The following NXPH1 variants were observed in gnomAD, a reference collection of about 807,000 sequenced individuals.
The protein encoded by NXPH1 is neurexophilin-1.
In NXPH1, 5 loss-of-function variants were observed where a neutral mutation model predicts 23.7. The observed-to-expected ratio is 0.21, with a 90% CI of 0.11 to 0.44. The LOEUF (loss-of-function observed/expected upper bound fraction) is 0.44. Among genes scored for constraint, NXPH1 ranks in the 20% least tolerant of loss-of-function variants. NXPH1 has a pLI of 0.99. For synonymous variants in NXPH1, 144 were observed against 122.2 expected (o/e 1.18, Z -1.18); for missense variants, 324 against 321.6 (o/e 1.01, Z -0.06).
intron 2 of NXPH1, among the ~76,000 whole-genome samples, chr7:8,441,617 T>C (rs1816300581): frequency 6.6e-6 from 1 of 152,242 alleles, no homozygotes; most frequent in Non-Finnish European, 1.5e-5. Flanking sequence ...GAGTTGGCTC[T>C]GTCAGCTCGA....
At chr7:8,520,072 T>G (rs941873412) in intron 2 of NXPH1, among the ~76,000 whole-genome samples, 30 of 152,136 alleles carry the variant, frequency 2.0e-4, no homozygotes, top group African/African-American at 7.0e-4. Flanking sequence ...ACAAAAAGAA[T>G]GGGGTTATAA....
intron 2 of NXPH1, among the ~76,000 whole-genome samples, chr7:8,443,801 C>T (rs150100491): frequency 4.6e-5 from 7 of 152,302 alleles, no homozygotes; most frequent in Admixed American, 1.3e-4. Flanking sequence ...CATCATTAGA[C>T]CCGGGATGGA....
chr7:8,681,553 G>A (rs1821048882), intron 2 of NXPH1, among the ~76,000 whole-genome samples: 2 of 152,210 alleles, frequency 1.3e-5, no homozygotes, highest in Middle Eastern at 3.4e-3. Context: ...TTGTCTCCTT[G>A]ACTAGACAGT....
At chr7:8,561,382 A>ACACACACACACACC (rs1554256953) in intron 2 of NXPH1, among the ~76,000 whole-genome samples, 1 of 144,574 alleles carries the variant, frequency 6.9e-6, no homozygotes, top group Non-Finnish European at 1.5e-5. Flanking sequence ...ACACACACAC[A>ACACACACACACACC]CCTCTCTCTC....
intron 2 of NXPH1, among the ~76,000 whole-genome samples, chr7:8,491,465 G>A (rs545991629): frequency 2.0e-5 from 3 of 152,106 alleles, no homozygotes; most frequent in East Asian, 3.9e-4. Context: ...ATATGCTCCC[G>A]GAAGTTAGAA....
chr7:8,739,582 G>C (rs1780326324), intron 2 of NXPH1, among the ~76,000 whole-genome samples: 1 of 152,090 alleles, frequency 6.6e-6, no homozygotes, highest in South Asian at 2.1e-4. Flanking sequence ...GACTGGAGCT[G>C]TTCCTATTTG....
intron 2 of NXPH1, among the ~76,000 whole-genome samples, chr7:8,666,565 A>G (rs1820770752): frequency 6.6e-6 from 1 of 152,054 alleles, no homozygotes; most frequent in African/African-American, 2.4e-5. Context: ...GTTTGGAAGT[A>G]TTCCAATTTC....
At chr7:8,569,415 A>G (rs2128621859) in intron 2 of NXPH1, among the ~76,000 whole-genome samples, 1 of 152,048 alleles carries the variant, frequency 6.6e-6, no homozygotes, top group East Asian at 1.9e-4. Context: ...ATTAGATTTC[A>G]TTTAGAGGTA....
chr7:8,674,162 G>GACAC (rs35790323), intron 2 of NXPH1, among the ~76,000 whole-genome samples: 1,560 of 86,140 alleles, frequency 0.018, 16 homozygotes, highest in African/African-American at 0.034. Flanking sequence ...CAAACATATA[G>GACAC]ACACACACAC....
At chr7:8,575,309 G>T (rs568107384) in intron 2 of NXPH1, among the ~76,000 whole-genome samples, 2 of 152,068 alleles carry the variant, frequency 1.3e-5, no homozygotes, top group East Asian at 1.9e-4. Flanking sequence ...CAACTAAAAT[G>T]TCTCTTTTTC....
At position 8,525,544 on chromosome 7, in the gene NXPH1, C is replaced by T. The variant is rs73233659; in HGVS notation, c.54+89777C>T. 6.3e-3 allele frequency among the ~76,000 whole-genome samples: 959 copies of T among 152,270 alleles called. 8 individuals are homozygous for T. The highest frequency in any genetic ancestry group is 0.022 in the African/African-American group (915 of 41,544). ...CAGGCCATGTCAGATAACTTCACCG[C>T]GGTCCCCTCCCATCACAGGCCCAGA... On this transcript the variant is annotated intron_variant, in intron 2 of 2. Transcript: ENST00000405863.
intron 2 of NXPH1, among the ~76,000 whole-genome samples, chr7:8,552,118 A>C (rs1475815563): frequency 8.3e-5 from 12 of 143,860 alleles, no homozygotes; most frequent in South Asian, 2.1e-4. Context: ...AAAAACCAAA[A>C]AAAAAAAAAA....
chr7:8,474,475 ATCTT>A (rs1489108016), intron 2 of NXPH1, among the ~76,000 whole-genome samples: 1 of 152,118 alleles, frequency 6.6e-6, no homozygotes, highest in Admixed American at 6.6e-5. Context: ...TTGATTATAC[ATCTT>A]TCTGTCTTCT....
At chr7:8,483,143 C>G (rs115002952) in intron 2 of NXPH1, among the ~76,000 whole-genome samples, 3,027 of 151,932 alleles carry the variant, frequency 0.02, 111 homozygotes, top group African/African-American at 0.07. Context: ...TTTTAAGAAC[C>G]AAAAATTCCC....
intron 2 of NXPH1, among the ~76,000 whole-genome samples, chr7:8,677,452 A>C (rs1392779139): frequency 6.6e-6 from 1 of 152,220 alleles, no homozygotes; most frequent in Non-Finnish European, 1.5e-5. Context: ...AAGAGTAGAC[A>C]TTAAATGAAT....
At chr7:8,701,218 G>A (rs996286367) in intron 2 of NXPH1, among the ~76,000 whole-genome samples, 7 of 152,030 alleles carry the variant, frequency 4.6e-5, no homozygotes, top group Admixed American at 1.3e-4. Context: ...TCAATAAAAT[G>A]TAATTCTATA....
At chr7:8,529,674 CA>C (rs1817921517) in intron 2 of NXPH1, among the ~76,000 whole-genome samples, 1 of 152,156 alleles carries the variant, frequency 6.6e-6, no homozygotes, top group South Asian at 2.1e-4. Flanking sequence ...ATGTGTATAA[CA>C]AAGATAATAA....
rs1338265566 is a variant in NXPH1, at chr7:8,718,048, G to GT, written c.55-32959dup. On this transcript the variant is annotated intron_variant, in intron 2 of 2. Coordinates refer to ENST00000405863, the MANE Select transcript of NXPH1 (RefSeq NM_152745.3). ...TTAATAATACATTAATGTATTTCTG[G>GT]TACAATACTTCTTTAGTTGCTTATA... Among the ~76,000 whole-genome samples the GT allele has an allele frequency of 9.9e-5, 15 of 151,998 alleles. No individual in the cohort carries two copies. The East Asian group carries it at 2.9e-3, about 29-fold the overall frequency.
intron 2 of NXPH1, among the ~76,000 whole-genome samples, chr7:8,674,533 T>C (rs144354638): frequency 4.6e-5 from 7 of 152,302 alleles, no homozygotes; most frequent in African/African-American, 1.7e-4. Context: ...AGCTGCTGAA[T>C]GCCTGAGTGT....
Sources: gnomAD v4.1 joint callset for allele counts (sites outside exome capture counted in the v4.1 genomes callset) on GRCh38, gnomAD v4.1.1 for gene constraint, MANE v1.5 for transcripts, NCBI Gene and HGNC (gene_info 2026-07-23, HGNC 2026-07-21) for gene names.